KMT2E: variants seen among roughly 807,000 people sequenced by gnomAD.
KMT2E encodes the protein lysine methyltransferase 2E (inactive).
A neutral mutation model predicts 184.6 loss-of-function variants in KMT2E; 30 were observed. The ratio of observed to expected loss-of-function variants is 0.16; its 90% CI spans 0.12 to 0.22. The LOEUF is 0.22. KMT2E is among the 10% of genes least tolerant of loss of function. KMT2E has a pLI of 1.00. For synonymous variants in KMT2E, 815 were observed against 776.5 expected, an observed-to-expected ratio of 1.05 and a Z score of -0.82; for missense variants, 2,023 against 2,237.4, an observed-to-expected ratio of 0.90 and a Z score of 1.93.
At chr7:105,055,030 G>C (rs1420935471) in intron 3 of KMT2E, among the ~76,000 whole-genome samples, 1 of 152,028 alleles carries the variant, frequency 6.6e-6, no homozygotes, top group Non-Finnish European at 1.5e-5. Flanking sequence ...TACCTTCTCT[G>C]ATCAGTTTCA....
chr7:105,094,545 T>C (rs1251220710), intron 15 of KMT2E, among the ~76,000 whole-genome samples: 3 of 152,204 alleles, frequency 2.0e-5, no homozygotes, highest in African/African-American at 7.2e-5. Context: ...ATGTTGGCCA[T>C]CAAAAAGTTC....
intron 3 of KMT2E, among the ~76,000 whole-genome samples, chr7:105,056,309 A>C (rs1445860244): frequency 6.6e-6 from 1 of 152,236 alleles, no homozygotes; most frequent in Non-Finnish European, 1.5e-5. Context: ...TTATAAACAC[A>C]CAGAGAGGTA....
Position 105,107,673 on chromosome 7 carries a change from C to T in KMT2E, c.3216C>T (p.Asp1072=). The T allele has an allele frequency of 6.2e-7, 1 of 1,614,156 alleles. No homozygotes were observed. The highest frequency in any genetic ancestry group is 8.5e-7 in the Non-Finnish European group (1 of 1,180,028). The part of the protein sequence containing the change: ...TMYSSWVKSP[D]RTGVNFSVNS... Reference sequence around the variant, plus strand: ...ATTCTTCCTGGGTAAAGAGCCCTGACAGAACAGGAGTTAACTTCTCAGTGA... The same window carrying T: ...ATTCTTCCTGGGTAAAGAGCCCTGATAGAACAGGAGTTAACTTCTCAGTGA... The change falls in exon 22 of 27, where the codon GAC becomes GAT. Residue 1072 remains aspartate (D), a synonymous_variant. Transcript: ENST00000311117.
At chr7:105,099,666 C>G (rs1378529894) in intron 15 of KMT2E, among the ~76,000 whole-genome samples, 1 of 152,128 alleles carries the variant, frequency 6.6e-6, no homozygotes, top group African/African-American at 2.4e-5. Context: ...CAAAAAATAT[C>G]TTCCTTGGGT....
chr7:105,106,913 CATTTATATGAATTTA>C (rs1226582476), intron 20 of KMT2E, 141 bp downstream of exon 20: 1 of 868,658 alleles, frequency 1.2e-6, no homozygotes, highest in African/African-American at 1.7e-5. Flanking sequence ...CAGAAAAATT[CATTTATATGAATTTA>C]GATGTTTTTA....
intron 13 of KMT2E, chr7:105,089,310 T>G (rs767186313): frequency 2.5e-6 from 1 of 402,586 alleles, no homozygotes; most frequent in East Asian, 1.0e-4. Flanking sequence ...GCAATTCTCC[T>G]GCCTTAGCCT....
At chr7:105,026,346 A>G (rs541937519) in intron 1 of KMT2E, among the ~76,000 whole-genome samples, 1 of 151,970 alleles carries the variant, frequency 6.6e-6, no homozygotes, top group African/African-American at 2.4e-5. Context: ...GTTCTGGAAC[A>G]TATCAAGATC....
rs756866380 is a variant in KMT2E, at chr7:105,113,693, A to AT, written c.*370dup. On this transcript the variant is annotated 3_prime_UTR_variant, in exon 27 of 27. Transcript: ENST00000311117. ...TCAGCTAAGTAATGGCACTATGAGGATTTTTTTTTTCTTTCCTGTCAGCAG... is the reference window on the plus strand; with the variant it reads ...TCAGCTAAGTAATGGCACTATGAGGATTTTTTTTTTTCTTTCCTGTCAGCAG... 4.4e-3 allele frequency: 744 copies of AT among 167,776 alleles called. 21 individuals carry two copies. The East Asian group carries it at 0.066, about 15-fold the overall frequency. The allele number at this position is 167,776 out of a possible 1,614,324, so 10.4% of individuals were successfully genotyped here.
chr7:105,108,207 G>C (rs949449355), intron 22 of KMT2E, among the ~76,000 whole-genome samples: 1 of 151,848 alleles, frequency 6.6e-6, no homozygotes, highest in Non-Finnish European at 1.5e-5. Flanking sequence ...TTAAAACTAG[G>C]AACTCCCCAA....
At position 105,023,402 on chromosome 7, in the gene KMT2E, C is replaced by CAAAAAA. The variant is rs1158885663; in HGVS notation, c.-189+8882_-189+8887dup. 3.8e-3 allele frequency among the ~76,000 whole-genome samples: 215 copies of CAAAAAA among 55,898 alleles called. 10 individuals carry two copies. Among genetic ancestry groups the CAAAAAA allele is most frequent in the African/African-American group, 0.014 (201 of 14,182 alleles). 36.7% of individuals were successfully genotyped at this position (55,898 alleles called of 152,430 possible). A position where few individuals can be genotyped will look rare whatever the true frequency, so the allele number is the denominator to read the frequency against. ...GGGTGACAAGAGTGAGACTCTGTCT[C>CAAAAAA]AAAAAAAAAAAAAAAAAAAAGAGAG... On this transcript the variant is annotated intron_variant, in intron 1 of 26. Transcript: ENST00000311117.
chr7:105,036,175 G>T lies in KMT2E; in HGVS notation c.-188-1951G>T, dbSNP rs1208996104. On this transcript the variant is annotated intron_variant, in intron 1 of 26. Transcript: ENST00000311117. ...TGTTGTTGTTGTTGTTGTTCTTTTG[G>T]TTTTTTTTTTTGTTTTTTTTTTTGG... Among the ~76,000 whole-genome samples the T allele has an allele frequency of 7.6e-3, 1,005 of 133,084 alleles. 16 individuals are homozygous for T. Among genetic ancestry groups the T allele is most frequent in the East Asian group, 0.066 (304 of 4,608 alleles). 87.3% of individuals were successfully genotyped at this position (133,084 alleles called of 152,430 possible).
chr7:105,113,155 C>G lies in KMT2E; in HGVS notation c.5399C>G (p.Pro1800Arg). Reference protein sequence around the residue: ...VTGPHLQPQGPNSIPTPTASG... With the variant: ...VTGPHLQPQGRNSIPTPTASG... The stretch of plus-strand genomic sequence containing the variant: ...GGTCCTCATCTCCAGCCCCAAGGAC[C>G]AAACAGTATTCCAACACCTACTGCT... The change falls in exon 27 of 27, where the codon CCA becomes CGA. Residue 1800 changes from proline (P) to arginine (R), a missense_variant. Pro to Arg is a moderately radical substitution (Grantham distance 103). This residue lies in a region of KMT2E where 1,108 missense variants were observed against 1,050.9 expected (regional missense o/e 1.05). Transcript: ENST00000311117. 6.2e-7 allele frequency: 1 copy of G among 1,614,182 alleles called. No individual in the cohort carries two copies. Among genetic ancestry groups the G allele is most frequent in the South Asian group, 1.1e-5 (1 of 91,080 alleles).
intron 3 of KMT2E, among the ~76,000 whole-genome samples, chr7:105,044,205 A>G (rs997568176): frequency 2.6e-5 from 4 of 152,262 alleles, no homozygotes; most frequent in Non-Finnish European, 5.9e-5. Flanking sequence ...TAGGACTACC[A>G]GAATTTAGGC....
rs1463429381 is a variant in KMT2E, at chr7:105,077,305, C to T, written c.1002C>T (p.Ser334=). ...NNLLFKPPVE[S]HIQKNKKILK... Reference sequence around the variant, plus strand: ...CTCAACATTTACTCTGATTTTAGAGCCATATACAAAAGAATAAGAAAATTC... The same window carrying T: ...CTCAACATTTACTCTGATTTTAGAGTCATATACAAAAGAATAAGAAAATTC... Residue 334 remains serine, a splice_region_variant and synonymous_variant, in exon 11 of 27, where the codon AGC becomes AGT. Transcript: ENST00000311117. The T allele has an allele frequency of 6.2e-7, 1 of 1,607,686 alleles. No homozygotes were observed. The highest frequency in any genetic ancestry group is 1.7e-5 in the Admixed American group (1 of 59,516).
chr7:105,053,329 G>A lies in KMT2E; in HGVS notation c.72-8835G>A, dbSNP rs189894170. ...GACATAACGTAGGAAGAGAAGGGAT[G>A]TAAAATTATTCAGTATAAAGAATTT... On this transcript the variant is annotated intron_variant, in intron 3 of 26. Transcript: ENST00000311117. Among the ~76,000 whole-genome samples the A allele has an allele frequency of 2.3e-3, 343 of 152,128 alleles. 3 individuals carry two copies. Among genetic ancestry groups the A allele is most frequent in the African/African-American group, 8.0e-3 (331 of 41,522 alleles).
intron 9 of KMT2E, among the ~76,000 whole-genome samples, chr7:105,076,439 A>C (rs1323150259): frequency 6.6e-6 from 1 of 152,236 alleles, no homozygotes; most frequent in Non-Finnish European, 1.5e-5. Context: ...ACTTTTGCAT[A>C]GTTGGGATTC....
intron 1 of KMT2E, among the ~76,000 whole-genome samples, chr7:105,016,831 T>C (rs1228164686): frequency 6.6e-6 from 1 of 152,238 alleles, no homozygotes; most frequent in Non-Finnish European, 1.5e-5. Context: ...ATGGTGACTG[T>C]ATCAACTAGG....
intron 3 of KMT2E, among the ~76,000 whole-genome samples, chr7:105,043,939 T>A (rs1028947031): frequency 2.0e-5 from 3 of 151,788 alleles, no homozygotes; most frequent in African/African-American, 7.3e-5. Flanking sequence ...AAATAAAAAT[T>A]TTTTAAAAAT....
At chr7:105,034,600 A>G (rs947864194) in intron 1 of KMT2E, among the ~76,000 whole-genome samples, 3 of 152,030 alleles carry the variant, frequency 2.0e-5, no homozygotes, top group Admixed American at 6.5e-5. Flanking sequence ...ATTTGCACTC[A>G]TTTGTTTGTC....
Sources: allele counts gnomAD v4.1 joint callset (sites outside exome capture counted in the v4.1 genomes callset), GRCh38; gene constraint gnomAD v4.1.1; regional missense constraint gnomAD v4.1.1; transcripts MANE v1.5; gene names NCBI Gene and HGNC (gene_info 2026-07-23, HGNC 2026-07-21).